SLC30A8: variants seen among roughly 807,000 people sequenced by gnomAD.
The protein encoded by SLC30A8 is proton-coupled zinc antiporter SLC30A8.
SLC30A8 carries 27 observed loss-of-function variants against 36.9 expected under a neutral mutation model. The observed-to-expected ratio is 0.73, with a 90% confidence interval of 0.54 to 1.01. The LOEUF is 1.01. Ranked by LOEUF, SLC30A8 falls within the 50% of genes least tolerant of loss-of-function variation. The probability of loss-of-function intolerance (pLI) is 0.00; values close to 1 mark genes in which losing one functional copy is unlikely to be tolerated. For synonymous variants in SLC30A8, 164 were observed against 172.4 expected (o/e 0.95, Z 0.38); for missense variants, 439 against 452.0 (o/e 0.97, Z 0.26).
chr8:117,062,996 G>A (rs1818067319), intron 2 of SLC30A8, among the ~76,000 whole-genome samples: 2 of 152,122 alleles, frequency 1.3e-5, no homozygotes, highest in Non-Finnish European at 2.9e-5. Flanking sequence ...CCATGAGAGG[G>A]CTTCAGGCAA....
chr8:117,112,652 C>A (rs1461869278), intron 2 of SLC30A8, among the ~76,000 whole-genome samples: 1 of 152,108 alleles, frequency 6.6e-6, no homozygotes. Context: ...AAGACAATGT[C>A]TTCAAAGCAT....
At chr8:117,092,383 A>C (rs1352622733) in intron 2 of SLC30A8, among the ~76,000 whole-genome samples, 1 of 152,068 alleles carries the variant, frequency 6.6e-6, no homozygotes, top group Non-Finnish European at 1.5e-5. Context: ...AAAAAACACT[A>C]TGATGAGTTA....
intron 2 of SLC30A8, chr8:117,056,037 G>C (rs970492143): frequency 6.6e-6 from 1 of 152,148 alleles, no homozygotes; most frequent in Non-Finnish European, 1.5e-5. Context: ...AACATCCACT[G>C]TCTGTGCAGT....
At chr8:117,139,952 TAAAG>T (rs1357165883) in intron 1 of SLC30A8, among the ~76,000 whole-genome samples, 1 of 151,390 alleles carries the variant, frequency 6.6e-6, no homozygotes, top group Admixed American at 6.6e-5. Flanking sequence ...TTAAAAGAAT[TAAAG>T]AAAATCAAAG....
upstream of SLC30A8, among the ~76,000 whole-genome samples, chr8:117,134,404 C>G (rs142311642): frequency 1.3e-5 from 2 of 152,080 alleles, no homozygotes; most frequent in East Asian, 3.9e-4. Context: ...CAGGCTCTTG[C>G]CATAAGGCTA....
intron 2 of SLC30A8, among the ~76,000 whole-genome samples, chr8:117,064,661 G>T (rs539086827): frequency 6.6e-6 from 1 of 152,150 alleles, no homozygotes; most frequent in Non-Finnish European, 1.5e-5. Context: ...TCGGACAGCC[G>T]AAGAGCATTA....
At chr8:117,159,398 T>G (rs562675078) in intron 4 of SLC30A8, among the ~76,000 whole-genome samples, 1 of 152,318 alleles carries the variant, frequency 6.6e-6, no homozygotes, top group East Asian at 1.9e-4. Flanking sequence ...ATCTCTGGAA[T>G]TCAAGAATAG....
chr8:117,160,889 T>C (rs371873082), intron 4 of SLC30A8, among the ~76,000 whole-genome samples: 2 of 152,224 alleles, frequency 1.3e-5, no homozygotes, highest in African/African-American at 4.8e-5. Flanking sequence ...TGTTGAACAA[T>C]ATGTTGCTGC....
chr8:117,164,674 TG>T (rs1822972555), intron 6 of SLC30A8, among the ~76,000 whole-genome samples: 2 of 152,130 alleles, frequency 1.3e-5, no homozygotes, highest in Admixed American at 1.3e-4. Context: ...AATGCAGTAG[TG>T]GGAACTGCTA....
chr8:117,131,067 A>AATCG (rs1172048269), upstream of SLC30A8, among the ~76,000 whole-genome samples: 1 of 151,994 alleles, frequency 6.6e-6, no homozygotes, highest in African/African-American at 2.4e-5. Context: ...CCTATAGCTC[A>AATCG]ATCGCTTGAA....
intron 1 of SLC30A8, among the ~76,000 whole-genome samples, chr8:117,004,789 C>G (rs976942139): frequency 6.6e-5 from 10 of 151,978 alleles, no homozygotes; most frequent in African/African-American, 2.4e-4. Flanking sequence ...TTTTATTTTT[C>G]TTTTTGCTAT....
intron 1 of SLC30A8, among the ~76,000 whole-genome samples, chr8:116,991,289 AT>A (rs1306554308): frequency 6.6e-6 from 1 of 151,160 alleles, no homozygotes; most frequent in Non-Finnish European, 1.5e-5. Flanking sequence ...ATTCCAAACT[AT>A]TTTACCTTCT....
At chr8:117,145,808 C>T (rs1319407219) in intron 1 of SLC30A8, among the ~76,000 whole-genome samples, 1 of 152,022 alleles carries the variant, frequency 6.6e-6, no homozygotes, top group Non-Finnish European at 1.5e-5. Context: ...ACTTCCTGAA[C>T]CTTAGTTACT....
At chr8:116,996,788 G>A (rs1405796397) in intron 1 of SLC30A8, among the ~76,000 whole-genome samples, 1 of 152,118 alleles carries the variant, frequency 6.6e-6, no homozygotes, top group African/African-American at 2.4e-5. Context: ...TTGATGTTTT[G>A]CATGTATATA....
At chr8:117,129,646 CATT>C (rs940998828) in intron 2 of SLC30A8, among the ~76,000 whole-genome samples, 71 of 151,956 alleles carry the variant, frequency 4.7e-4, no homozygotes, top group African/African-American at 1.6e-3. Context: ...AATAGGAAAA[CATT>C]GTAATTGTGT....
At chr8:117,097,417 A>AT (rs1819432220) in intron 2 of SLC30A8, among the ~76,000 whole-genome samples, 5 of 96,808 alleles carry the variant, frequency 5.2e-5, no homozygotes, top group African/African-American at 1.6e-4. Flanking sequence ...AAAAAAAAAA[A>AT]AATATATATA....
intron 2 of SLC30A8, among the ~76,000 whole-genome samples, chr8:117,151,595 GCCTCCTGCCT>G: frequency 6.6e-6 from 1 of 152,262 alleles, no homozygotes; most frequent in African/African-American, 2.4e-5. Flanking sequence ...TTTCTCAGGT[GCCTCCTGCCT>G]CAGCTGAGAC....
intron 1 of SLC30A8, among the ~76,000 whole-genome samples, chr8:117,016,515 T>C (rs1353522128): frequency 2.6e-5 from 4 of 152,222 alleles, no homozygotes; most frequent in Admixed American, 6.5e-5. Context: ...AAGTCTCTCA[T>C]TTCTCCTGTT....
intron 2 of SLC30A8, among the ~76,000 whole-genome samples, chr8:117,101,265 C>T (rs968444727): frequency 2.0e-5 from 3 of 152,136 alleles, no homozygotes; most frequent in Non-Finnish European, 4.4e-5. Flanking sequence ...GAATTTTTAT[C>T]TTGCACACCA....
Sources: allele counts gnomAD v4.1 joint callset (sites outside exome capture counted in the v4.1 genomes callset), GRCh38; gene constraint gnomAD v4.1.1; transcripts MANE v1.5; gene names NCBI Gene and HGNC (gene_info 2026-07-23, HGNC 2026-07-21).